ZNF853: variants seen among roughly 807,000 people sequenced by gnomAD.
ZNF853 encodes zinc finger protein 853.
Under a neutral mutation model 94.7 loss-of-function variants are expected in ZNF853, and 57 were observed. The observed-to-expected ratio is 0.60, with a 90% CI of 0.49 to 0.75. ZNF853 has a LOEUF of 0.75. ZNF853 is among the 30% of genes least tolerant of loss of function. ZNF853 has a pLI of 0.00. For missense variants in ZNF853, 785 were observed against 868.9 expected, an observed-to-expected ratio of 0.90 and a Z score of 1.21; for synonymous variants, 448 against 406.3, an observed-to-expected ratio of 1.10 and a Z score of -1.23.
In ZNF853 at chr7:6,617,182, C is replaced by T; in HGVS notation, c.13-8C>T. The T allele has an allele frequency of 1.2e-4, 183 of 1,540,450 alleles. 1 individual carries two copies. In the African/African-American group the frequency reaches 2.2e-3, roughly 19 times the overall value. On this transcript the variant is annotated splice_region_variant and splice_polypyrimidine_tract_variant and intron_variant, in intron 1 of 2. Transcript: ENST00000457543. ...CCTGGCTAAACTGCTTCCTTCCTTT[C>T]AGCACAGCCGACTCCCGGGAATCGG...
chr7:6,619,173 G>A, intron 2 of ZNF853, among the ~76,000 whole-genome samples: 2 of 151,782 alleles, frequency 1.3e-5, no homozygotes, highest in African/African-American at 4.8e-5. Flanking sequence ...CCGAGTAGCT[G>A]GGACTATAGG....
Position 6,617,220 on chromosome 7 carries a change from A to C in ZNF853, c.43A>C (p.Arg15=). Reference sequence around the variant, plus strand: ...TCCCGGGAATCGGGGTCTGACCGCCAGGATGGAAGTGGGGCCAGCCACCGA... The same window carrying C: ...TCCCGGGAATCGGGGTCTGACCGCCCGGATGGAAGTGGGGCCAGCCACCGA... ...PTPGNRGLTA[R]MEVGPATETF... Residue 15 remains arginine, a synonymous_variant, in exon 2 of 3, where the codon AGG becomes CGG. Coordinates refer to ENST00000457543, the MANE Select transcript of ZNF853 (RefSeq NM_017560.3). 6.5e-7 allele frequency: 1 copy of C among 1,535,472 alleles called. No individual in the cohort carries two copies. Among genetic ancestry groups the C allele is most frequent in the Non-Finnish European group, 8.8e-7 (1 of 1,139,812 alleles).
At chr7:6,619,257 G>T in intron 2 of ZNF853, among the ~76,000 whole-genome samples, 1 of 149,440 alleles carries the variant, frequency 6.7e-6, no homozygotes, top group Non-Finnish European at 1.5e-5. Flanking sequence ...TTGGGTTGTT[G>T]TTTTTGTTTG....
In ZNF853 at chr7:6,623,279, TA is replaced by T; in HGVS notation, c.*309del. ...TTCCCTCCGGGAAAACTGGACTTAC[TA>T]CGAACGAGGAAAAACCCCCAGTGGC... On this transcript the variant is annotated 3_prime_UTR_variant, in exon 3 of 3. Transcript: ENST00000457543. 1 of 398,686 alleles carries T rather than the reference TA, an allele frequency of 2.5e-6. No individual in the cohort carries two copies. Among genetic ancestry groups the T allele is most frequent in the Non-Finnish European group, 4.4e-6 (1 of 226,216 alleles). The allele number at this position is 398,686 out of a possible 1,614,324, so 24.7% of individuals were successfully genotyped here.
intron 1 of ZNF853, among the ~76,000 whole-genome samples, chr7:6,616,459 G>T: frequency 6.6e-6 from 1 of 152,206 alleles, no homozygotes; most frequent in African/African-American, 2.4e-5. Flanking sequence ...ATGGAAGGGC[G>T]CCAGGCGCAG....
At chr7:6,621,085 A>G in intron 2 of ZNF853, 37 bp from the exon 3 acceptor site, 1 of 1,461,116 alleles carries the variant, frequency 6.8e-7, no homozygotes, top group African/African-American at 1.4e-5. Flanking sequence ...CTTCCTGTAG[A>G]TCTTTCTCTC....
chr7:6,619,471 C>G, intron 2 of ZNF853, among the ~76,000 whole-genome samples: 1 of 152,012 alleles, frequency 6.6e-6, no homozygotes, highest in Non-Finnish European at 1.5e-5. Flanking sequence ...AGGATTTCGT[C>G]ATGTTGGCCA....
In ZNF853 at chr7:6,621,584, T is replaced by C; in HGVS notation, c.593T>C (p.Val198Ala). 1 of 1,550,226 alleles carries C rather than the reference T, an allele frequency of 6.5e-7. No homozygotes were observed. Among genetic ancestry groups the C allele is most frequent in the Non-Finnish European group, 8.7e-7 (1 of 1,146,630 alleles). ...CAGCAGGAACAGCTACAGCAGCAAG[T>C]GCAAGAGCAACAGCTGTTACAGCAA... ...LQQQEQLQQQVQEQQLLQQQQ... is the reference protein window; with the variant it reads ...LQQQEQLQQQAQEQQLLQQQQ... Residue 198 changes from valine (V) to alanine (A), a missense_variant, in exon 3 of 3, where the codon GTG becomes GCG. Coordinates refer to ENST00000457543, the MANE Select transcript of ZNF853 (RefSeq NM_017560.3).
rs980326755 is a variant in ZNF853, at chr7:6,623,969, C to T, written c.*998C>T. On this transcript the variant is annotated 3_prime_UTR_variant, in exon 3 of 3. Coordinates refer to ENST00000457543, the MANE Select transcript of ZNF853 (RefSeq NM_017560.3). Reference sequence around the variant, plus strand: ...AGGGCTGCCTGAGCAGACACTGTGCCATTGCTGGGGCTGGGGAAAGAATAT... The same window carrying T: ...AGGGCTGCCTGAGCAGACACTGTGCTATTGCTGGGGCTGGGGAAAGAATAT... The T allele has an allele frequency of 2.0e-5, 3 of 152,352 alleles. No individual in the cohort carries two copies. The highest frequency in any genetic ancestry group is 7.2e-5 in the African/African-American group (3 of 41,458). The allele number at this position is 152,352 out of a possible 1,614,324, so 9.4% of individuals were successfully genotyped here.
At chr7:6,620,583 C>CCCTTCCTTT in intron 2 of ZNF853, among the ~76,000 whole-genome samples, 1 of 151,792 alleles carries the variant, frequency 6.6e-6, no homozygotes, top group African/African-American at 2.4e-5. Flanking sequence ...TCCCTTCCTT[C>CCCTTCCTTT]CCTTTCTTCC....
intron 2 of ZNF853, among the ~76,000 whole-genome samples, chr7:6,620,052 A>G: frequency 6.6e-6 from 1 of 152,196 alleles, no homozygotes; most frequent in Non-Finnish European, 1.5e-5. Flanking sequence ...TCCAGGTACT[A>G]TGCCAGGGCT....
At chr7:6,619,921 T>A in intron 2 of ZNF853, among the ~76,000 whole-genome samples, 2 of 152,198 alleles carry the variant, frequency 1.3e-5, no homozygotes, top group African/African-American at 2.4e-5. Context: ...CCCAGCCTAG[T>A]TAGTCCTTTG....
chr7:6,617,341 C>G, intron 2 of ZNF853, 34 bp downstream of exon 2: 1 of 1,383,092 alleles, frequency 7.2e-7, no homozygotes, highest in South Asian at 1.5e-5. Flanking sequence ...GACAGAGCCT[C>G]ATGCCTGCCT....
chr7:6,621,543 G>C lies in ZNF853; in HGVS notation c.552G>C (p.Glu184Asp). The C allele has an allele frequency of 6.4e-7, 1 of 1,551,662 alleles. No individual in the cohort carries two copies. The highest frequency in any genetic ancestry group is 1.2e-5 in the South Asian group (1 of 84,050). Reference sequence around the variant, plus strand: ...AGTTACAGACGCAGCAAGCACAAGAGCAACAGGTATTGCAGCAGCAGGAAC... The same window carrying C: ...AGTTACAGACGCAGCAAGCACAAGACCAACAGGTATTGCAGCAGCAGGAAC... ...QEQLQTQQAQ[E>D]QQVLQQQEQL... The change falls in exon 3 of 3, where the codon GAG becomes GAC. Residue 184 changes from glutamate (E) to aspartate (D), a missense_variant. Glu to Asp is a conservative substitution (Grantham distance 45). Coordinates refer to ENST00000457543, the MANE Select transcript of ZNF853 (RefSeq NM_017560.3).
chr7:6,615,691 G>GCCCGCCCCGCC lies in ZNF853; in HGVS notation c.-474_-464dup, dbSNP rs1562566794. 7.0e-6 allele frequency: 1 copy of GCCCGCCCCGCC among 142,186 alleles called. No homozygotes were observed. The highest frequency in any genetic ancestry group is 1.6e-5 in the Non-Finnish European group (1 of 64,476). 8.8% of individuals were successfully genotyped at this position (142,186 alleles called of 1,614,324 possible). ...CAGGGGGACCCGGCCTTGCCGCGGC[G>GCCCGCCCCGCC]CCCGCCCCGCCCCCGCCCCGGCCCC... On this transcript the variant is annotated 5_prime_UTR_variant, in exon 1 of 3. Coordinates refer to ENST00000457543, the MANE Select transcript of ZNF853 (RefSeq NM_017560.3). This position sits in a 1 kb window ranked among gnomAD's most constrained non-coding sequence, Gnocchi z 8.5.
intron 2 of ZNF853, 82 bp downstream of exon 2, chr7:6,617,389 T>A: frequency 8.6e-7 from 1 of 1,156,720 alleles, no homozygotes. Context: ...GCGGGCAGCC[T>A]GCACAGACTC....
chr7:6,615,685 C>T lies in ZNF853; in HGVS notation c.-490C>T, dbSNP rs1306024265. The stretch of plus-strand genomic sequence containing the variant: ...CGAGCCCAGGGGGACCCGGCCTTGC[C>T]GCGGCGCCCGCCCCGCCCCCGCCCC... On this transcript the variant is annotated 5_prime_UTR_variant, in exon 1 of 3. Coordinates refer to ENST00000457543, the MANE Select transcript of ZNF853 (RefSeq NM_017560.3). This position sits in a 1 kb window ranked among gnomAD's most constrained non-coding sequence, Gnocchi z 8.5. 1 of 145,202 alleles carries T rather than the reference C, an allele frequency of 6.9e-6. No individual in the cohort carries two copies. The highest frequency in any genetic ancestry group is 6.8e-5 in the Admixed American group (1 of 14,652). 9.0% of individuals were successfully genotyped at this position (145,202 alleles called of 1,614,324 possible). A position where few individuals can be genotyped will look rare whatever the true frequency, so the allele number is the denominator to read the frequency against.
intron 2 of ZNF853, chr7:6,617,656 G>T: frequency 1.0e-6 from 1 of 985,374 alleles, no homozygotes; most frequent in Non-Finnish European, 1.2e-6. Flanking sequence ...TCCCGGATCC[G>T]ATTCAGGTAC....
chr7:6,622,696 TACGCCTGCGGGG>T lies in ZNF853; in HGVS notation c.1708_1719del (p.Ala570_Asp573del). On this transcript the variant is annotated inframe_deletion, in exon 3 of 3. Transcript: ENST00000457543. Reference sequence around the variant, plus strand: ...GCGCACGCACACCGGGGAGCGACCCTACGCCTGCGGGGACTGTGGCAAGCGCTTCAGCGTCTC... The same window carrying T: ...GCGCACGCACACCGGGGAGCGACCCTACTGTGGCAAGCGCTTCAGCGTCTC... The T allele has an allele frequency of 6.3e-7, 1 of 1,575,808 alleles. No homozygotes were observed. The highest frequency in any genetic ancestry group is 8.6e-7 in the Non-Finnish European group (1 of 1,162,580).
Sources: allele counts gnomAD v4.1 joint callset (sites outside exome capture counted in the v4.1 genomes callset), GRCh38; gene constraint gnomAD v4.1.1; non-coding constraint Gnocchi (gnomAD v3.1); transcripts MANE v1.5; gene names NCBI Gene and HGNC (gene_info 2026-07-23, HGNC 2026-07-21).